Variants in CELF1 observed in about 807,000 individuals in gnomAD.
The protein encoded by CELF1 is 50 kDa nuclear polyadenylated RNA-binding protein.
Under a neutral mutation model 61.8 loss-of-function variants are expected in CELF1, and 10 were observed. That is an observed-to-expected ratio of 0.16 (90% CI 0.10 to 0.27). The LOEUF is 0.27. Ranked by LOEUF, CELF1 falls within the 10% of genes least tolerant of loss-of-function variation. The probability of loss-of-function intolerance (pLI) is 1.00; values close to 1 mark genes in which losing one functional copy is unlikely to be tolerated. For missense variants in CELF1, 380 were observed against 639.1 expected (o/e 0.59, Z 4.37); for synonymous variants, 236 against 225.1 (o/e 1.05, Z -0.43).
At chr11:47,490,748 A>G (rs1316969928) in intron 3 of CELF1, among the ~76,000 whole-genome samples, 4 of 152,138 alleles carry the variant, frequency 2.6e-5, no homozygotes, top group Admixed American at 1.3e-4. Context: ...TCTTTAAACA[A>G]CAACAAAAAA....
intron 1 of CELF1, among the ~76,000 whole-genome samples, chr11:47,506,286 C>T (rs142933690): frequency 0.014 from 2,134 of 150,878 alleles, 71 homozygotes; most frequent in African/African-American, 0.048. Flanking sequence ...ATTAGCCAGG[C>T]GTGGTGGCAC....
At chr11:47,522,658 T>C (rs1386045358) in intron 1 of CELF1, among the ~76,000 whole-genome samples, 1 of 151,996 alleles carries the variant, frequency 6.6e-6, no homozygotes, top group East Asian at 1.9e-4. Context: ...TGAAACCCCA[T>C]CTCTACTAAA....
chr11:47,499,364 T>C (rs1169198536), intron 3 of CELF1, 89 bp downstream of exon 3: 1 of 1,036,646 alleles, frequency 9.6e-7, no homozygotes, highest in Non-Finnish European at 1.4e-6. Context: ...TCTCTTCCCC[T>C]TCTTAAAAAA....
intron 1 of CELF1, among the ~76,000 whole-genome samples, chr11:47,532,220 G>A (rs533526460): frequency 6.6e-6 from 1 of 152,128 alleles, no homozygotes; most frequent in East Asian, 1.9e-4. Flanking sequence ...TAGTAGAGAC[G>A]GGTTTCACCA....
At chr11:47,539,669 T>C (rs531108912) in intron 1 of CELF1, among the ~76,000 whole-genome samples, 23 of 152,090 alleles carry the variant, frequency 1.5e-4, no homozygotes, top group Admixed American at 4.6e-4. Context: ...ACAGAAAGCT[T>C]ACATAAAAAC....
chr11:47,533,909 T>C (rs2096559414), intron 1 of CELF1, among the ~76,000 whole-genome samples: 1 of 150,748 alleles, frequency 6.6e-6, no homozygotes, highest in Admixed American at 6.6e-5. Context: ...TTCCCCTCCC[T>C]CTTCATAAAA....
At position 47,482,845 on chromosome 11, in the gene CELF1, T is replaced by A; in HGVS notation, c.618A>T (p.Ser206=). Residue 206 remains serine (S), a synonymous_variant, in exon 9 of 15, where the codon TCA becomes TCT. Transcript: ENST00000687097. ...TATCAGCAAATTTTACCACCATGGGTGATGAGCAACCCTGTGAAAAGACCA... is the reference window on the plus strand; with the variant it reads ...TATCAGCAAATTTTACCACCATGGGAGATGAGCAACCCTGTGAAAAGACCA... The part of the protein sequence containing the change: ...HQAQTMEGCS[S]PMVVKFADTQ... 1 of 1,614,004 alleles carries A rather than the reference T, an allele frequency of 6.2e-7. No homozygotes were observed. The highest frequency in any genetic ancestry group is 1.3e-5 in the African/African-American group (1 of 75,032).
chr11:47,474,159 A>G (rs529572467), intron 13 of CELF1, among the ~76,000 whole-genome samples: 39 of 152,292 alleles, frequency 2.6e-4, no homozygotes, highest in African/African-American at 9.4e-4. Flanking sequence ...GGCCTCTCAA[A>G]GTGCTGGGAT....
At chr11:47,516,654 G>T (rs1182163016) in intron 1 of CELF1, among the ~76,000 whole-genome samples, 11 of 151,396 alleles carry the variant, frequency 7.3e-5, no homozygotes, top group African/African-American at 2.4e-4. Flanking sequence ...AGGCTGGAGT[G>T]CAGTGGCATG....
In CELF1 at chr11:47,468,309, C is replaced by T. The variant is rs1222827618; in HGVS notation, c.*3921G>A. ...TTCAGGTGCTCTCCGCAGTTGAGAA[C>T]TCAGAAGAAAAACAAAAGAAAGAAC... On this transcript the variant is annotated 3_prime_UTR_variant, in exon 15 of 15. Transcript: ENST00000687097. 1 of 152,190 alleles carries T rather than the reference C, an allele frequency of 6.6e-6. No homozygotes were observed. The highest frequency in any genetic ancestry group is 1.5e-5 in the Non-Finnish European group (1 of 68,046). 9.4% of individuals were successfully genotyped at this position (152,190 alleles called of 1,614,324 possible).
At chr11:47,473,609 C>T (rs1244803955) in intron 13 of CELF1, among the ~76,000 whole-genome samples, 1 of 152,074 alleles carries the variant, frequency 6.6e-6, no homozygotes, top group African/African-American at 2.4e-5. Flanking sequence ...CCAAATAATG[C>T]CTAGAAACCA....
At chr11:47,472,825 C>A (rs1326094634) in intron 14 of CELF1, among the ~76,000 whole-genome samples, 1 of 152,202 alleles carries the variant, frequency 6.6e-6, no homozygotes, top group East Asian at 1.9e-4. Context: ...GACTTACAGG[C>A]ACAAACCTGG....
At chr11:47,510,209 T>C (rs2094997762) in intron 1 of CELF1, among the ~76,000 whole-genome samples, 1 of 152,222 alleles carries the variant, frequency 6.6e-6, no homozygotes, top group Non-Finnish European at 1.5e-5. Flanking sequence ...TTAACTTCAC[T>C]GACAGAAAAG....
chr11:47,548,090 G>A (rs1398244500), intron 1 of CELF1, among the ~76,000 whole-genome samples: 1 of 152,052 alleles, frequency 6.6e-6, no homozygotes, highest in Non-Finnish European at 1.5e-5. Context: ...CACGAGGTCT[G>A]GAGTTCAAGA....
chr11:47,499,300 T>C (rs1052944942), intron 3 of CELF1, among the ~76,000 whole-genome samples, 153 bp downstream of exon 3: 1 of 152,168 alleles, frequency 6.6e-6, no homozygotes, highest in Non-Finnish European at 1.5e-5. Flanking sequence ...CAGACTACAA[T>C]TGAAAATAAT....
At chr11:47,556,595 G>A (rs1367774359), upstream of CELF1, among the ~76,000 whole-genome samples, 1 of 152,150 alleles carries the variant, frequency 6.6e-6, no homozygotes, top group East Asian at 1.9e-4. Flanking sequence ...TGATAGCCAG[G>A]CATGATGGCA....
At chr11:47,559,007 AAT>A (rs1001586438) in intron 2 of CELF1, among the ~76,000 whole-genome samples, 79 of 142,140 alleles carry the variant, frequency 5.6e-4, no homozygotes, top group African/African-American at 1.5e-3. Context: ...TGTTATACAT[AAT>A]ATATGTTATA....
rs1036618820 is a variant in CELF1, at chr11:47,553,042, G to A, written c.-204C>T. On this transcript the variant is annotated 5_prime_UTR_variant, in exon 1 of 15. Transcript: ENST00000687097. Reference sequence around the variant, plus strand: ...TGCCTCAGTTGCTGCCTGCGCCTCCGCAGCCGCCGCCGCCGCCTCGCTGCT... The same window carrying A: ...TGCCTCAGTTGCTGCCTGCGCCTCCACAGCCGCCGCCGCCGCCTCGCTGCT... The A allele has an allele frequency of 4.5e-5, 18 of 401,076 alleles. No homozygotes were observed. Among genetic ancestry groups the A allele is most frequent in the Non-Finnish European group, 6.6e-5 (15 of 228,320 alleles). The allele number at this position is 401,076 out of a possible 1,614,324, so 24.8% of individuals were successfully genotyped here.
chr11:47,532,277 C>T (rs766997157), intron 1 of CELF1, among the ~76,000 whole-genome samples: 6 of 152,282 alleles, frequency 3.9e-5, no homozygotes, highest in Non-Finnish European at 8.8e-5. Context: ...TGATCCACCT[C>T]GGCCTCCCAA....
Sources: gnomAD v4.1 joint callset for allele counts (sites outside exome capture counted in the v4.1 genomes callset) on GRCh38, gnomAD v4.1.1 for gene constraint, MANE v1.5 for transcripts, NCBI Gene and HGNC (gene_info 2026-07-23, HGNC 2026-07-21) for gene names.